RMDN2: variants seen among roughly 807,000 people sequenced by gnomAD.
The protein encoded by RMDN2 is regulator of microtubule dynamics 2, also known as regulator of microtubule dynamics protein 2.
RMDN2 carries 61 observed loss-of-function variants against 52.8 expected under a neutral mutation model. The observed-to-expected ratio is 1.16, with a 90% confidence interval of 0.94 to 1.43. RMDN2 has a LOEUF of 1.43. Ranked by LOEUF, RMDN2 falls within the 40% of genes most tolerant of loss-of-function variation. The pLI, the probability that RMDN2 is intolerant of heterozygous loss-of-function variation, is 0.00. For missense variants in RMDN2, 592 were observed against 475.3 expected, an observed-to-expected ratio of 1.25 and a Z score of -2.28; for synonymous variants, 180 against 153.1, an observed-to-expected ratio of 1.18 and a Z score of -1.30.
intron 2 of RMDN2, among the ~76,000 whole-genome samples, chr2:37,933,981 G>A (rs1667081782): frequency 6.6e-6 from 1 of 152,126 alleles, no homozygotes; most frequent in South Asian, 2.1e-4. Context: ...ACTGGCCATG[G>A]GGAGGAAGAG....
chr2:37,998,049 C>G (rs1276391439), intron 8 of RMDN2: 1 of 156,486 alleles, frequency 6.4e-6, no homozygotes, highest in Non-Finnish European at 1.4e-5. Context: ...AATCGCTGTA[C>G]TATACAACTC....
At position 37,978,307 on chromosome 2, in the gene RMDN2, G is replaced by T. The variant is rs185754757; in HGVS notation, c.731-2976G>T. On this transcript the variant is annotated intron_variant, in intron 4 of 10. Transcript: ENST00000354545. ...CTGGGCTCGGCATCAGAGGGAGACC[G>T]TGCAAAGGGGAGGGGGGAGAGGGAG... 1.1e-3 allele frequency among the ~76,000 whole-genome samples: 147 copies of T among 130,808 alleles called. 1 individual carries two copies. Among genetic ancestry groups the T allele is most frequent in the African/African-American group, 4.2e-3 (140 of 33,604 alleles). The allele number at this position is 130,808 out of a possible 152,430, so 85.8% of individuals were successfully genotyped here.
chr2:37,951,564 T>C (rs140094166), intron 2 of RMDN2: 1 of 1,612,872 alleles, frequency 6.2e-7, no homozygotes, highest in African/African-American at 1.3e-5. Context: ...CTCAGACCAT[T>C]GTGGTAGCTT....
At chr2:37,986,550 T>C (rs1674041503) in intron 5 of RMDN2, among the ~76,000 whole-genome samples, 1 of 152,092 alleles carries the variant, frequency 6.6e-6, no homozygotes, top group Admixed American at 6.6e-5. Context: ...TATTAGCAGA[T>C]TGAATCTGAC....
At chr2:37,965,779 G>A (rs1670960989) in intron 2 of RMDN2, among the ~76,000 whole-genome samples, 1 of 152,070 alleles carries the variant, frequency 6.6e-6, no homozygotes, top group East Asian at 1.9e-4. Flanking sequence ...ACTCCTTTTA[G>A]CATTTATTGT....
intron 10 of RMDN2, among the ~76,000 whole-genome samples, chr2:38,044,744 T>C (rs1045209184): frequency 7.9e-5 from 12 of 152,128 alleles, no homozygotes; most frequent in Admixed American, 1.3e-4. Flanking sequence ...TCCTTTTGAT[T>C]CTTTTTAGGG....
intron 10 of RMDN2, among the ~76,000 whole-genome samples, chr2:38,063,208 G>A (rs987673475): frequency 6.6e-6 from 1 of 152,134 alleles, no homozygotes; most frequent in African/African-American, 2.4e-5. Flanking sequence ...CTTCTACAAC[G>A]GTTGAACTAG....
At chr2:37,944,622 T>C (rs948240651) in intron 2 of RMDN2, among the ~76,000 whole-genome samples, 2 of 152,174 alleles carry the variant, frequency 1.3e-5, no homozygotes, top group East Asian at 1.9e-4. Context: ...AGGTCACTTA[T>C]TGAGAAGCTT....
intron 2 of RMDN2, among the ~76,000 whole-genome samples, chr2:37,941,811 G>A (rs1282017447): frequency 6.6e-6 from 1 of 152,158 alleles, no homozygotes; most frequent in Non-Finnish European, 1.5e-5. Context: ...TCCAGCCAGT[G>A]GATCTTAGTT....
intron 7 of RMDN2, among the ~76,000 whole-genome samples, chr2:37,992,716 AC>A (rs1471428689): frequency 6.6e-6 from 1 of 152,256 alleles, no homozygotes; most frequent in African/African-American, 2.4e-5. Context: ...TACAAAAAAA[AC>A]AAAGAATAAA....
rs75590535 is a variant in RMDN2, at chr2:37,946,067, G to A, written c.452+16338G>A. Among the ~76,000 whole-genome samples the A allele has an allele frequency of 1.5e-3, 221 of 152,252 alleles. 5 individuals are homozygous for A. In the East Asian group the frequency reaches 0.037, roughly 25 times the overall value. On this transcript the variant is annotated intron_variant, in intron 2 of 10. Coordinates refer to ENST00000354545, the MANE Select transcript of RMDN2 (RefSeq NM_001170791.3). Reference sequence around the variant, plus strand: ...AGGTGGGTTCAACATACTATATTTCGTTAATTCTAAGATGAACATTTTTAA... The same window carrying A: ...AGGTGGGTTCAACATACTATATTTCATTAATTCTAAGATGAACATTTTTAA...
At chr2:37,969,377 A>G (rs1215596029) in intron 2 of RMDN2, among the ~76,000 whole-genome samples, 1 of 151,788 alleles carries the variant, frequency 6.6e-6, no homozygotes, top group Non-Finnish European at 1.5e-5. Context: ...GGTATTCTTT[A>G]ATGTTTTCAG....
downstream of RMDN2, among the ~76,000 whole-genome samples, chr2:38,018,569 G>A (rs1030702284): frequency 1.3e-5 from 2 of 152,068 alleles, no homozygotes; most frequent in Non-Finnish European, 2.9e-5. Context: ...AATGTTATAG[G>A]CAACGGCACA....
chr2:37,977,416 C>T (rs1672635981), intron 4 of RMDN2, among the ~76,000 whole-genome samples: 1 of 151,546 alleles, frequency 6.6e-6, no homozygotes, highest in Admixed American at 6.6e-5. Context: ...GACGGGTCGG[C>T]CGGGCAGAGG....
At position 38,037,631 on chromosome 2, in the gene RMDN2, G is replaced by C. The variant is rs565099649; in HGVS notation, c.1714-29351G>C. Among the ~76,000 whole-genome samples the C allele has an allele frequency of 2.6e-5, 4 of 152,354 alleles. No individual in the cohort carries two copies. The South Asian group carries it at 8.3e-4, about 32-fold the overall frequency. On this transcript the variant is annotated intron_variant, in intron 10 of 10. Coordinates refer to the RMDN2 transcript ENST00000234195. ...GACTCAGTTTTGGTGTTTGACTTGA[G>C]TCTTAAAACATAGTTCAGAACCTGA...
intron 2 of RMDN2, among the ~76,000 whole-genome samples, chr2:37,964,138 C>T (rs190260626): frequency 1.6e-3 from 238 of 151,790 alleles, no homozygotes; most frequent in African/African-American, 5.6e-3. Context: ...ACTTCTCAGA[C>T]GGGGCGCCTG....
At chr2:37,962,685 T>A (rs1670412568) in intron 2 of RMDN2, among the ~76,000 whole-genome samples, 1 of 151,800 alleles carries the variant, frequency 6.6e-6, no homozygotes, top group South Asian at 2.1e-4. Flanking sequence ...TTGCCTCCTT[T>A]CCCAGGGAGT....
intron 10 of RMDN2, among the ~76,000 whole-genome samples, chr2:38,043,459 T>G (rs1681086058): frequency 6.6e-6 from 1 of 152,166 alleles, no homozygotes; most frequent in African/African-American, 2.4e-5. Flanking sequence ...TTTTAATTGG[T>G]ATGTCTACTA....
chr2:37,969,430 T>C (rs1671504035), intron 2 of RMDN2, among the ~76,000 whole-genome samples: 1 of 151,724 alleles, frequency 6.6e-6, no homozygotes, highest in Non-Finnish European at 1.5e-5. Flanking sequence ...TTTTAAAACT[T>C]TTGTGAAATT....
Sources: gnomAD v4.1 joint callset for allele counts (sites outside exome capture counted in the v4.1 genomes callset) on GRCh38, gnomAD v4.1.1 for gene constraint, MANE v1.5 for transcripts, NCBI Gene and HGNC (gene_info 2026-07-23, HGNC 2026-07-21) for gene names.